LAMC2: variants seen among roughly 807,000 people sequenced by gnomAD.
LAMC2 encodes the protein laminin subunit gamma-2.
Under a neutral mutation model 140.2 loss-of-function variants are expected in LAMC2, and 97 were observed. The ratio of observed to expected loss-of-function variants is 0.69; its 90% confidence interval spans 0.59 to 0.82. The LOEUF (loss-of-function observed/expected upper bound fraction) is 0.82, where lower values mean the gene tolerates loss of function less well. Ranked by LOEUF, LAMC2 falls within the 40% of genes least tolerant of loss-of-function variation. The pLI, the probability that LAMC2 is intolerant of heterozygous loss-of-function variation, is 0.00. For missense variants in LAMC2, 1,402 were observed against 1,476.1 expected (o/e 0.95, Z 0.82); for synonymous variants, 513 against 540.2 (o/e 0.95, Z 0.70).
At position 183,228,374 on chromosome 1, in the gene LAMC2, G is replaced by C. The variant is rs553758734; in HGVS notation, c.1469G>C (p.Gly490Ala). 2.5e-6 allele frequency: 4 copies of C among 1,614,108 alleles called. No homozygotes were observed. The African/African-American group carries it at 5.3e-5, about 22-fold the overall frequency. ...GGCTTGGTCATTTGTTCCTTCCCAG[G>C]TGCCCGCTGTGAGCTCTGTGCTGAT... ...VCNNCPPGVT[G>A]ARCELCADGY... is the part of the protein sequence containing the mutation. Residue 490 changes from glycine to alanine, a missense_variant and splice_region_variant, in exon 11 of 23, where the codon GGT becomes GCT. By Grantham distance (60) the Gly-to-Ala change is moderately conservative (BLOSUM62 0). Around this residue, in one of 3 missense-constraint regions of LAMC2, gnomAD observed 723 missense variants for 783.3 expected, o/e 0.92. Transcript: ENST00000264144. This position sits in a 1 kb window ranked among gnomAD's most constrained non-coding sequence, Gnocchi z 4.3.
chr1:183,233,662 T>C (rs1302891839), intron 14 of LAMC2, among the ~76,000 whole-genome samples: 2 of 152,196 alleles, frequency 1.3e-5, no homozygotes, highest in African/African-American at 4.8e-5. Context: ...AAATAACCAC[T>C]GTTAAAATTT....
At chr1:183,187,528 G>A (rs78638377) in intron 1 of LAMC2, among the ~76,000 whole-genome samples, 251 of 149,578 alleles carry the variant, frequency 1.7e-3, no homozygotes, top group African/African-American at 5.7e-3. Context: ...GTGGAGATAA[G>A]TATGTGAAAT....
chr1:183,254,382 C>G, the LAMC2 span, among the ~76,000 whole-genome samples: 1 of 152,032 alleles, frequency 6.6e-6, no homozygotes, highest in African/African-American at 2.4e-5. Context: ...ATTTTTATGT[C>G]ATCTCTGGAG....
intron 22 of LAMC2, among the ~76,000 whole-genome samples, chr1:183,242,751 A>T (rs1213163994): frequency 6.6e-6 from 1 of 152,202 alleles, no homozygotes. Context: ...TTCAGAAAGC[A>T]TAATTTGGAG....
At position 183,239,244 on chromosome 1, in the gene LAMC2, C is replaced by A. The variant is rs190693939; in HGVS notation, c.2870-120C>A. 34 of 909,050 alleles carry A rather than the reference C, an allele frequency of 3.7e-5. No individual in the cohort carries two copies. In the African/African-American group the frequency reaches 5.1e-4, roughly 14 times the overall value. 56.3% of individuals were successfully genotyped at this position (909,050 alleles called of 1,614,324 possible). A position where few individuals can be genotyped will look rare whatever the true frequency, so the allele number is the denominator to read the frequency against. The stretch of plus-strand genomic sequence containing the variant: ...TAATTCCAGCCGTAACTTCCCACAC[C>A]GTCATCCCCAGTCAGTAATAACACT... On this transcript the variant is annotated intron_variant, in intron 19 of 22. Transcript: ENST00000264144.
At chr1:183,255,845 T>C in the LAMC2 span, among the ~76,000 whole-genome samples, 1 of 151,866 alleles carries the variant, frequency 6.6e-6, no homozygotes, top group Non-Finnish European at 1.5e-5. Flanking sequence ...TGTATTTCTG[T>C]TAGAGACAGG....
At chr1:183,249,151 C>T (rs1660306973), downstream of LAMC2, 1 of 152,140 alleles carries the variant, frequency 6.6e-6, no homozygotes, top group South Asian at 2.1e-4. Context: ...TCTAGAAGCT[C>T]TAGCTTTGGG....
At position 183,225,732 on chromosome 1, in the gene LAMC2, C is replaced by A. The variant is rs12092752; in HGVS notation, c.1066+12C>A. ...ATATGGAGAATACAGTAAGTGGCTA[C>A]GAGAAATTAATTTCTTTCTTCTTAG... On this transcript the variant is annotated intron_variant, in intron 8 of 22. Transcript: ENST00000264144. 9,685 of 1,538,834 alleles carry A rather than the reference C, an allele frequency of 6.3e-3. 513 individuals carry two copies. The African/African-American group carries it at 0.11, about 18-fold the overall frequency.
intron 15 of LAMC2, among the ~76,000 whole-genome samples, 189 bp downstream of exon 15, chr1:183,234,635 G>T (rs1156347116): frequency 3.3e-5 from 5 of 152,188 alleles, no homozygotes; most frequent in African/African-American, 1.2e-4. Flanking sequence ...ACTGGGCAGG[G>T]TCATTTGGCA....
rs1660060946 is a variant in LAMC2, at chr1:183,239,419, A to T, written c.2925A>T (p.Arg975Ser). 6 of 1,613,986 alleles carry T rather than the reference A, an allele frequency of 3.7e-6. No individual in the cohort carries two copies. The highest frequency in any genetic ancestry group is 1.6e-4 in the Middle Eastern group (1 of 6,084). Residue 975 changes from arginine to serine, a missense_variant, in exon 20 of 23, where the codon AGA becomes AGT. Around this residue, in one of 3 missense-constraint regions of LAMC2, gnomAD observed 670 missense variants for 667.2 expected, o/e 1.00. Transcript: ENST00000264144. ...RKAEAEEAMKRLSYISQKVSD... is the reference protein window; with the variant it reads ...RKAEAEEAMKSLSYISQKVSD... Reference sequence around the variant, plus strand: ...CAGAAGCTGAAGAAGCCATGAAGAGACTCTCCTACATCAGCCAGAAGGTTT... The same window carrying T: ...CAGAAGCTGAAGAAGCCATGAAGAGTCTCTCCTACATCAGCCAGAAGGTTT...
rs1461326847 is a variant in LAMC2 at position 183,244,068 on chromosome 1, A to T, written c.*668A>T. 6.6e-6 allele frequency: 1 copy of T among 152,412 alleles called. No homozygotes were observed. Among genetic ancestry groups the T allele is most frequent in the Non-Finnish European group, 1.5e-5 (1 of 68,136 alleles). 9.4% of individuals were successfully genotyped at this position (152,412 alleles called of 1,614,324 possible). A position where few individuals can be genotyped will look rare whatever the true frequency, so the allele number is the denominator to read the frequency against. ...CCTTCAAGTTCTGGACCTGGGCATG[A>T]CATCCTTTCTTTTAATGATGCCATG... On this transcript the variant is annotated 3_prime_UTR_variant, in exon 23 of 23. Transcript: ENST00000264144.
chr1:183,229,186 C>T (rs1331324201), intron 11 of LAMC2, among the ~76,000 whole-genome samples: 1 of 152,200 alleles, frequency 6.6e-6, no homozygotes, highest in Non-Finnish European at 1.5e-5. Context: ...GACTGGTCCT[C>T]TTGCCCAGCG....
At chr1:183,230,862 T>G in intron 11 of LAMC2, 99 bp from the exon 12 acceptor site, 1 of 1,361,906 alleles carries the variant, frequency 7.3e-7, no homozygotes, top group Non-Finnish European at 1.0e-6. Context: ...AAAAGGATTC[T>G]CTGCTGTTGG....
At position 183,245,127 on chromosome 1, in the gene LAMC2, T is replaced by C. The variant is rs1318130160; in HGVS notation, c.*1727T>C. Among the ~76,000 whole-genome samples, 10 of 152,348 alleles carry C rather than the reference T, an allele frequency of 6.6e-5. No homozygotes were observed. The highest frequency in any genetic ancestry group is 2.2e-4 in the African/African-American group (9 of 41,582). On this transcript the variant is annotated 3_prime_UTR_variant, in exon 23 of 23. Transcript: ENST00000264144. Reference sequence around the variant, plus strand: ...TGTCTTCTAAGCATAAAGCTTTATTTCTAGAAAAACTCTAGCTGGGTGGGG... The same window carrying C: ...TGTCTTCTAAGCATAAAGCTTTATTCCTAGAAAAACTCTAGCTGGGTGGGG...
Position 183,228,855 on chromosome 1 carries a change from A to C in LAMC2, c.1714+236A>C, listed in dbSNP as rs1040663610. 1.3e-5 allele frequency among the ~76,000 whole-genome samples: 2 copies of C among 152,174 alleles called. No homozygotes were observed. The highest frequency in any genetic ancestry group is 3.8e-4 in the East Asian group (2 of 5,198). On this transcript the variant is annotated intron_variant, in intron 11 of 22. Transcript: ENST00000264144. The surrounding 1 kb of genome is among the most constrained non-coding windows in gnomAD (Gnocchi z 4.3). ...GGTTAAAGCTGGGTGGGAGAAGTGA[A>C]AAAGGTCAGGTTTACATTCCTACGC...
chr1:183,191,185 A>G (rs889283650), intron 1 of LAMC2, among the ~76,000 whole-genome samples: 1 of 115,056 alleles, frequency 8.7e-6, no homozygotes, highest in African/African-American at 3.7e-5. Context: ...GAAAGGACTT[A>G]AGTATGATCT....
In LAMC2 at chr1:183,227,596, C is replaced by G; in HGVS notation, c.1367C>G (p.Pro456Arg). 6.2e-7 allele frequency: 1 copy of G among 1,614,100 alleles called. No individual in the cohort carries two copies. Residue 456 changes from proline to arginine, a missense_variant, in exon 10 of 23, where the codon CCC becomes CGC. Transcript: ENST00000264144. ...PIGFYNDPHD[P>R]RSCKPCPCHN... ...GGTTTCTACAACGATCCGCACGACC[C>G]CCGCAGCTGCAAGCCATGTCCCTGT... is the stretch of plus-strand genomic sequence containing the variant.
intron 2 of LAMC2, among the ~76,000 whole-genome samples, chr1:183,211,669 CCTGA>C (rs1659073790): frequency 1.3e-5 from 2 of 151,958 alleles, no homozygotes; most frequent in South Asian, 4.2e-4. Context: ...TTCCACCATG[CCTGA>C]CTAATTTTTT....
intron 2 of LAMC2, among the ~76,000 whole-genome samples, chr1:183,211,767 C>T (rs1198396323): frequency 4.6e-5 from 7 of 152,124 alleles, no homozygotes; most frequent in Admixed American, 3.9e-4. Flanking sequence ...TCAGTCTCCC[C>T]TAACTGCTGG....
Sources: gnomAD v4.1 joint callset for allele counts (sites outside exome capture counted in the v4.1 genomes callset) on GRCh38, gnomAD v4.1.1 for gene constraint, gnomAD v4.1.1 regional missense constraint, Gnocchi (gnomAD v3.1) non-coding constraint, MANE v1.5 for transcripts, NCBI Gene and HGNC (gene_info 2026-07-23, HGNC 2026-07-21) for gene names.